Variants in RASAL2 observed in about 807,000 individuals in gnomAD.
RASAL2 encodes the protein RAS protein activator like 2, also known as ras GTPase-activating protein nGAP.
A neutral mutation model predicts 128.9 loss-of-function variants in RASAL2; 58 were observed. The observed-to-expected ratio is 0.45, with a 90% CI of 0.36 to 0.56. The LOEUF (loss-of-function observed/expected upper bound fraction) is 0.56, where lower values mean the gene tolerates loss of function less well. Among genes scored for constraint, RASAL2 ranks in the 20% least tolerant of loss-of-function variants. The pLI is 0.00. For synonymous variants in RASAL2, 561 were observed against 580.8 expected (o/e 0.97, Z 0.49); for missense variants, 1,360 against 1,601.6 (o/e 0.85, Z 2.57).
At position 178,094,673 on chromosome 1, in the gene RASAL2, C is replaced by T; in HGVS notation, c.181C>T (p.Gln61Ter). 6.2e-7 allele frequency: 1 copy of T among 1,614,124 alleles called. No individual in the cohort carries two copies. Among genetic ancestry groups the T allele is most frequent in the Non-Finnish European group, 8.5e-7 (1 of 1,180,050 alleles). Reference sequence around the variant, plus strand: ...CCTTCTGGAGTCCGTGTGCCAGCAACAGAGCTGGGTCCGGGTGTACGGTAA... The same window carrying T: ...CCTTCTGGAGTCCGTGTGCCAGCAATAGAGCTGGGTCCGGGTGTACGGTAA... ...RILLESVCQQ[Q>*]SWVRVYDVKG... is the part of the protein sequence containing the mutation. The change falls in exon 1 of 18, where the codon CAG (glutamine) becomes TAG (stop). Residue 61 changes from glutamine to a stop codon, truncating the protein, a stop_gained. Coordinates refer to ENST00000367649, the MANE Select transcript of RASAL2 (RefSeq NM_170692.4). LOFTEE classifies it high-confidence loss of function.
chr1:178,232,914 G>A (rs1484973076), intron 1 of RASAL2, among the ~76,000 whole-genome samples: 2 of 152,062 alleles, frequency 1.3e-5, no homozygotes, highest in African/African-American at 2.4e-5. Flanking sequence ...GGTCCATAAA[G>A]GTGTTGGTGG....
At chr1:178,318,603 CTAGGAT>C (rs1668601013) in intron 3 of RASAL2, among the ~76,000 whole-genome samples, 1 of 150,446 alleles carries the variant, frequency 6.6e-6, no homozygotes, top group South Asian at 2.1e-4. Context: ...TTATCAGAGA[CTAGGAT>C]TGCAACCCCT....
At chr1:178,218,233 A>G (rs1663491719) in intron 1 of RASAL2, among the ~76,000 whole-genome samples, 1 of 152,180 alleles carries the variant, frequency 6.6e-6, no homozygotes, top group Non-Finnish European at 1.5e-5. Context: ...GTTAATGTTG[A>G]TATTATGGAT....
chr1:178,452,768 A>AT, intron 11 of RASAL2, 116 bp downstream of exon 11: 2 of 790,226 alleles, frequency 2.5e-6, no homozygotes, highest in Non-Finnish European at 4.1e-6. Context: ...TCACTGTGTT[A>AT]TTAATAAATA....
intron 1 of RASAL2, among the ~76,000 whole-genome samples, chr1:178,130,638 GCTAA>G (rs1660069461): frequency 6.6e-6 from 1 of 152,150 alleles, no homozygotes; most frequent in African/African-American, 2.4e-5. Flanking sequence ...GTCTTTAGAT[GCTAA>G]CTTTAGGGGG....
intron 14 of RASAL2, among the ~76,000 whole-genome samples, chr1:178,463,650 C>G (rs112808742): frequency 6.6e-6 from 1 of 152,158 alleles, no homozygotes; most frequent in East Asian, 1.9e-4. Context: ...AGATAACCAG[C>G]ATCACTTGTC....
intron 1 of RASAL2, among the ~76,000 whole-genome samples, chr1:178,243,766 A>G (rs1325699318): frequency 6.6e-6 from 1 of 152,134 alleles, no homozygotes; most frequent in East Asian, 1.9e-4. Context: ...GGCCCCTAGC[A>G]AATCAGCCAT....
intron 1 of RASAL2, among the ~76,000 whole-genome samples, chr1:178,116,232 C>T (rs1659515747): frequency 6.6e-6 from 1 of 152,046 alleles, no homozygotes; most frequent in African/African-American, 2.4e-5. Context: ...TATTATCTAA[C>T]TTGTCGTATT....
intron 1 of RASAL2, among the ~76,000 whole-genome samples, chr1:178,210,793 A>G (rs1287619641): frequency 6.6e-6 from 1 of 152,208 alleles, no homozygotes; most frequent in Non-Finnish European, 1.5e-5. Context: ...TGGGCTTAGG[A>G]TAATGCATTT....
intron 1 of RASAL2, among the ~76,000 whole-genome samples, chr1:178,154,591 A>T (rs1033079969): frequency 6.6e-6 from 1 of 152,194 alleles, no homozygotes; most frequent in African/African-American, 2.4e-5. Flanking sequence ...CATTATAACC[A>T]TTCTATTGGG....
At position 178,439,487 on chromosome 1, in the gene RASAL2, C is replaced by G; in HGVS notation, c.740C>G (p.Thr247Arg). ...GAATCCTTGCTGAGCCCATGCAGCA[C>G]AGTGGAATGTCTGGATCTTGGTAGA... is the stretch of plus-strand genomic sequence containing the variant. ...SHESLLSPCS[T>R]VECLDLGRGE... Residue 247 changes from threonine (T) to arginine (R), a missense_variant, in exon 6 of 18, where the codon ACA (threonine) becomes AGA (arginine). Around this residue, in one of 3 missense-constraint regions of RASAL2, gnomAD observed 617 missense variants for 714.2 expected, o/e 0.86. Coordinates refer to ENST00000367649, the MANE Select transcript of RASAL2 (RefSeq NM_170692.4). 1 of 1,612,844 alleles carries G rather than the reference C, an allele frequency of 6.2e-7. No individual in the cohort carries two copies. Among genetic ancestry groups the G allele is most frequent in the South Asian group, 1.1e-5 (1 of 91,022 alleles).
intron 2 of RASAL2, among the ~76,000 whole-genome samples, chr1:178,292,514 C>T (rs777095903): frequency 6.6e-6 from 1 of 152,186 alleles, no homozygotes; most frequent in Non-Finnish European, 1.5e-5. Flanking sequence ...TGACAAATGA[C>T]TTATTGGTTC....
At chr1:178,124,530 G>A (rs960895980) in intron 1 of RASAL2, among the ~76,000 whole-genome samples, 2 of 152,160 alleles carry the variant, frequency 1.3e-5, no homozygotes, top group African/African-American at 4.8e-5. Context: ...GTAGATAAGA[G>A]TTTAGTGGAC....
intron 15 of RASAL2, 138 bp downstream of exon 15, chr1:178,464,550 A>C: frequency 3.5e-6 from 3 of 867,232 alleles, no homozygotes; most frequent in South Asian, 2.0e-5. Context: ...ATACATATCT[A>C]TGTAAAATAG....
chr1:178,442,144 C>T (rs763506791), intron 7 of RASAL2, among the ~76,000 whole-genome samples: 2 of 152,148 alleles, frequency 1.3e-5, no homozygotes, highest in Non-Finnish European at 2.9e-5. Context: ...CCAGGCCCCA[C>T]CTCTAGCACT....
intron 1 of RASAL2, among the ~76,000 whole-genome samples, chr1:178,179,688 G>C (rs1248677892): frequency 6.6e-6 from 1 of 152,134 alleles, no homozygotes; most frequent in Non-Finnish European, 1.5e-5. Flanking sequence ...ACTTTCAAGA[G>C]GACACCTAGT....
chr1:178,232,973 A>G (rs545308965), intron 1 of RASAL2, among the ~76,000 whole-genome samples: 10 of 152,326 alleles, frequency 6.6e-5, no homozygotes, highest in African/African-American at 1.2e-4. Context: ...CCGAAAGCCT[A>G]TTACAGAAAT....
At chr1:178,137,487 G>A (rs1660368507) in intron 1 of RASAL2, among the ~76,000 whole-genome samples, 1 of 152,154 alleles carries the variant, frequency 6.6e-6, no homozygotes. Flanking sequence ...TTACTGTGCT[G>A]AAGCAGATTT....
chr1:178,281,695 A>C (rs1666791363), intron 1 of RASAL2, among the ~76,000 whole-genome samples: 1 of 152,144 alleles, frequency 6.6e-6, no homozygotes, highest in South Asian at 2.1e-4. Flanking sequence ...AATTTTGTCA[A>C]AGTTTCTAAT....
Sources: gnomAD v4.1 joint callset for allele counts (sites outside exome capture counted in the v4.1 genomes callset) on GRCh38, gnomAD v4.1.1 for gene constraint, gnomAD v4.1.1 regional missense constraint, MANE v1.5 for transcripts, NCBI Gene and HGNC (gene_info 2026-07-23, HGNC 2026-07-21) for gene names.